GLI2: variants seen among roughly 807,000 people sequenced by gnomAD.
The protein encoded by GLI2 is GLI family zinc finger 2.
In GLI2, 22 loss-of-function variants were observed where a neutral mutation model predicts 78.9. The ratio of observed to expected loss-of-function variants is 0.28; its 90% CI spans 0.20 to 0.40. The LOEUF is 0.40. Among genes scored for constraint, GLI2 ranks in the 10% least tolerant of loss-of-function variants. The pLI, the probability that GLI2 is intolerant of heterozygous loss-of-function variation, is 1.00. For synonymous variants in GLI2, 974 were observed against 963.7 expected, an observed-to-expected ratio of 1.01 and a Z score of -0.20; for missense variants, 2,097 against 2,213.2, an observed-to-expected ratio of 0.95 and a Z score of 1.05.
At chr2:120,742,290 A>G (rs1263811597) in intron 1 of GLI2, among the ~76,000 whole-genome samples, 1 of 152,166 alleles carries the variant, frequency 6.6e-6, no homozygotes, top group Non-Finnish European at 1.5e-5. Context: ...CAGAAAAAAG[A>G]TCTTTGAATG....
At chr2:120,919,619 C>T (rs921991215) in intron 2 of GLI2, among the ~76,000 whole-genome samples, 2 of 152,264 alleles carry the variant, frequency 1.3e-5, no homozygotes, top group African/African-American at 2.4e-5. Context: ...AGGAGTCTCT[C>T]TCCACGTGGC....
In GLI2 at chr2:120,800,929, C is replaced by A. The variant is rs1463890307; in HGVS notation, c.148+3461C>A. ...GTGGTGAGGAAACAGCCAAATCCTG[C>A]AAGCTGTCAGGGGCTGTTTCCTGGC... On this transcript the variant is annotated intron_variant, in intron 2 of 13. Transcript: ENST00000361492. The surrounding 1 kb of genome is among the most constrained non-coding windows in gnomAD (Gnocchi z 4.1). 6.6e-6 allele frequency among the ~76,000 whole-genome samples: 1 copy of A among 152,174 alleles called. No homozygotes were observed. Among genetic ancestry groups the A allele is most frequent in the Non-Finnish European group, 1.5e-5 (1 of 68,018 alleles).
intron 2 of GLI2, among the ~76,000 whole-genome samples, chr2:120,820,144 C>T (rs1159245429): frequency 2.6e-5 from 4 of 152,176 alleles, no homozygotes; most frequent in Non-Finnish European, 2.9e-5. Flanking sequence ...AAGGTCCAGG[C>T]TGGTCCCTTT....
chr2:120,933,840 AGCCCTGCCCTGCCCTGCCCTGCCCT>A (rs56996797), intron 3 of GLI2, among the ~76,000 whole-genome samples: 245 of 137,892 alleles, frequency 1.8e-3, no homozygotes, highest in African/African-American at 6.2e-3. Context: ...GGACCTTTCC[AGCCCTGCCCTGCCCTGCCCTGCCCT>A]GCCCTGCCCT....
chr2:120,757,856 T>G (rs778884594), intron 1 of GLI2, among the ~76,000 whole-genome samples: 8 of 152,248 alleles, frequency 5.3e-5, no homozygotes, highest in Non-Finnish European at 1.2e-4. Context: ...TTTTCGTTCC[T>G]TCATTGCCTG....
rs1683316953 is a variant in GLI2, at chr2:120,992,115, C to CT, written c.*1441dup. 6.6e-6 allele frequency: 1 copy of CT among 152,354 alleles called. No homozygotes were observed. The highest frequency in any genetic ancestry group is 2.4e-5 in the African/African-American group (1 of 41,342). 9.4% of individuals were successfully genotyped at this position (152,354 alleles called of 1,614,324 possible). A position where few individuals can be genotyped will look rare whatever the true frequency, so the allele number is the denominator to read the frequency against. On this transcript the variant is annotated 3_prime_UTR_variant, in exon 14 of 14. Coordinates refer to ENST00000361492, the MANE Select transcript of GLI2 (RefSeq NM_001374353.1). ...AAACAGCACCACTCAGAGTGTGACTCTGACTGTGACCTTGGCCTTAATGAG... is the reference window on the plus strand; with the variant it reads ...AAACAGCACCACTCAGAGTGTGACTCTTGACTGTGACCTTGGCCTTAATGAG...
chr2:120,932,404 G>A (rs1679988592), intron 3 of GLI2, among the ~76,000 whole-genome samples: 1 of 152,024 alleles, frequency 6.6e-6, no homozygotes, highest in Non-Finnish European at 1.5e-5. Context: ...ATAGCTCCAG[G>A]GAGGGCGCAC....
chr2:120,749,215 G>A (rs1385663977), intron 1 of GLI2, among the ~76,000 whole-genome samples: 2 of 152,034 alleles, frequency 1.3e-5, no homozygotes, highest in African/African-American at 4.8e-5. Context: ...ATGAATTTTG[G>A]GAAATGTTTC....
Position 120,988,913 on chromosome 2 carries a change from C to T in GLI2, c.2948C>T (p.Pro983Leu), listed in dbSNP as rs1348680961. ...AACGTGAACCCCGGCCCGCTGCCGCCCTGTGCCGACAGGCGAGGCCTCCGC... is the reference window on the plus strand; with the variant it reads ...AACGTGAACCCCGGCCCGCTGCCGCTCTGTGCCGACAGGCGAGGCCTCCGC... ...THNVNPGPLP[P>L]CADRRGLRLQ... The change falls in exon 14 of 14, where the codon CCC becomes CTC. Residue 983 changes from proline to leucine, a missense_variant. Around this residue, in one of 5 missense-constraint regions of GLI2, gnomAD observed 1,290 missense variants for 1,261.7 expected, o/e 1.02. Coordinates refer to ENST00000361492, the MANE Select transcript of GLI2 (RefSeq NM_001374353.1). The T allele has an allele frequency of 8.6e-6, 13 of 1,517,790 alleles. No individual in the cohort carries two copies. The highest frequency in any genetic ancestry group is 1.1e-5 in the Non-Finnish European group (13 of 1,136,068). 94.0% of individuals were successfully genotyped at this position (1,517,790 alleles called of 1,614,324 possible). A position where few individuals can be genotyped will look rare whatever the true frequency, so the allele number is the denominator to read the frequency against.
intron 2 of GLI2, among the ~76,000 whole-genome samples, chr2:120,850,588 A>G (rs1434307525): frequency 6.6e-6 from 1 of 152,244 alleles, no homozygotes; most frequent in Non-Finnish European, 1.5e-5. Flanking sequence ...AAGTGAATGC[A>G]GGGAAGACCT....
At chr2:120,847,747 GTGGGGGGCAGGGGC>G (rs1687189118) in intron 2 of GLI2, among the ~76,000 whole-genome samples, 4 of 149,332 alleles carry the variant, frequency 2.7e-5, no homozygotes, top group Admixed American at 2.0e-4. Flanking sequence ...CCTTGGCTGC[GTGGGGGGCAGGGGC>G]GGGGGGGCGG....
rs534069876 is a variant in GLI2, at chr2:120,797,844, A to C, written c.148+376A>C. Among the ~76,000 whole-genome samples, 7 of 152,304 alleles carry C rather than the reference A, an allele frequency of 4.6e-5. No individual in the cohort carries two copies. The East Asian group carries it at 1.4e-3, about 29-fold the overall frequency. On this transcript the variant is annotated intron_variant, in intron 2 of 13. Transcript: ENST00000361492. ...AGAACTTCTTGCCTCTTGCCCGCCA[A>C]GGACTGTTTTGGAAAGTAATTGTCT...
chr2:120,896,100 T>C (rs1677929186), intron 2 of GLI2, among the ~76,000 whole-genome samples: 1 of 152,212 alleles, frequency 6.6e-6, no homozygotes, highest in African/African-American at 2.4e-5. Flanking sequence ...AGAACTGTCA[T>C]AGTTTTCCTG....
At chr2:120,804,643 G>T (rs1424877640) in intron 2 of GLI2, among the ~76,000 whole-genome samples, 1 of 152,254 alleles carries the variant, frequency 6.6e-6, no homozygotes, top group African/African-American at 2.4e-5. Flanking sequence ...TTTTCAGGAC[G>T]GCTGTTGATG....
chr2:120,885,725 C>T (rs1184176152), intron 2 of GLI2, among the ~76,000 whole-genome samples: 2 of 152,166 alleles, frequency 1.3e-5, no homozygotes, highest in Non-Finnish European at 2.9e-5. Context: ...ATAAAATTGC[C>T]TCTGCTCCCT....
intron 2 of GLI2, among the ~76,000 whole-genome samples, chr2:120,857,229 G>C (rs1687686563): frequency 1.3e-5 from 2 of 152,094 alleles, no homozygotes; most frequent in African/African-American, 4.8e-5. Context: ...GAGGAGGGTA[G>C]TGACAGAGAG....
chr2:120,801,494 T>TA (rs1351653467), intron 2 of GLI2, among the ~76,000 whole-genome samples: 1 of 152,196 alleles, frequency 6.6e-6, no homozygotes, highest in Non-Finnish European at 1.5e-5. Context: ...TGTTCATTGA[T>TA]AGGGGATTGG....
At chr2:120,944,502 C>T (rs530490891) in intron 3 of GLI2, among the ~76,000 whole-genome samples, 7 of 152,350 alleles carry the variant, frequency 4.6e-5, no homozygotes, top group African/African-American at 1.7e-4. Context: ...TTCTGCTTAT[C>T]AGTGGGGGTG....
At chr2:120,927,627 G>A (rs1207030580) in intron 3 of GLI2, among the ~76,000 whole-genome samples, 161 bp downstream of exon 3, 1 of 152,164 alleles carries the variant, frequency 6.6e-6, no homozygotes, top group Non-Finnish European at 1.5e-5. Flanking sequence ...CATGGCCTGG[G>A]ACCCTGTGTG....
Sources: gnomAD v4.1 joint callset for allele counts (sites outside exome capture counted in the v4.1 genomes callset) on GRCh38, gnomAD v4.1.1 for gene constraint, gnomAD v4.1.1 regional missense constraint, Gnocchi (gnomAD v3.1) non-coding constraint, MANE v1.5 for transcripts, NCBI Gene and HGNC (gene_info 2026-07-23, HGNC 2026-07-21) for gene names.